CSGALNACT2: variants seen among roughly 807,000 people sequenced by gnomAD.
CSGALNACT2 encodes chondroitin sulfate N-acetylgalactosaminyltransferase 2, also known as beta 4 GalNAcT-2.
A neutral mutation model predicts 55.3 loss-of-function variants in CSGALNACT2; 35 were observed. The observed-to-expected ratio is 0.63, with a 90% confidence interval of 0.48 to 0.84. The LOEUF is 0.84. Ranked by LOEUF, CSGALNACT2 falls within the 40% of genes least tolerant of loss-of-function variation. The pLI, the probability that CSGALNACT2 is intolerant of heterozygous loss-of-function variation, is 0.00. For synonymous variants in CSGALNACT2, 196 were observed against 224.9 expected (o/e 0.87, Z 1.15); for missense variants, 544 against 657.5 (o/e 0.83, Z 1.89).
intron 1 of CSGALNACT2, among the ~76,000 whole-genome samples, chr10:43,152,856 A>C (rs940755912): frequency 1.3e-5 from 2 of 152,212 alleles, no homozygotes; most frequent in Non-Finnish European, 2.9e-5. Context: ...TAGTTAAAAC[A>C]GATACCGCTA....
At chr10:43,159,277 T>C (rs1481963720) in intron 3 of CSGALNACT2, among the ~76,000 whole-genome samples, 1 of 152,082 alleles carries the variant, frequency 6.6e-6, no homozygotes, top group Non-Finnish European at 1.5e-5. Context: ...TTTAAGGATA[T>C]AGGTATCATG....
At chr10:43,156,297 G>A (rs1479571560) in intron 2 of CSGALNACT2, among the ~76,000 whole-genome samples, 4 of 152,054 alleles carry the variant, frequency 2.6e-5, no homozygotes, top group Non-Finnish European at 2.9e-5. Flanking sequence ...AAGCACATTT[G>A]GCATTTGGAA....
At chr10:43,146,462 A>T (rs1838750386) in intron 1 of CSGALNACT2, among the ~76,000 whole-genome samples, 1 of 152,008 alleles carries the variant, frequency 6.6e-6, no homozygotes, top group South Asian at 2.1e-4. Flanking sequence ...GTGTGGGTCT[A>T]CCCCTCCCAG....
At position 43,155,407 on chromosome 10, in the gene CSGALNACT2, A is replaced by G. The variant is rs1838974984; in HGVS notation, c.258A>G (p.Leu86=). Residue 86 remains leucine, a synonymous_variant, in exon 2 of 8, where the codon TTA becomes TTG. Transcript: ENST00000374466. ...KRQIAQLKQE[L]QEMSEKMRSL... ...AAATTGCCCAACTAAAACAAGAATTACAAGAAATGAGTGAGAAGATGCGGT... is the reference window on the plus strand; with the variant it reads ...AAATTGCCCAACTAAAACAAGAATTGCAAGAAATGAGTGAGAAGATGCGGT... 3 of 1,614,098 alleles carry G rather than the reference A, an allele frequency of 1.9e-6. No individual in the cohort carries two copies. Among genetic ancestry groups the G allele is most frequent in the Non-Finnish European group, 8.5e-7 (1 of 1,180,040 alleles).
chr10:43,159,634 C>T (rs1839101647), intron 3 of CSGALNACT2, among the ~76,000 whole-genome samples: 1 of 152,136 alleles, frequency 6.6e-6, no homozygotes, highest in African/African-American at 2.4e-5. Context: ...TTTAGACATA[C>T]AAACATTAAA....
At chr10:43,175,435 T>A (rs1284158992) in intron 6 of CSGALNACT2, among the ~76,000 whole-genome samples, 1 of 152,134 alleles carries the variant, frequency 6.6e-6, no homozygotes, top group Non-Finnish European at 1.5e-5. Context: ...TAAATACCTA[T>A]TAGTGAGCCA....
intron 7 of CSGALNACT2, among the ~76,000 whole-genome samples, chr10:43,179,075 T>C (rs893414296): frequency 2.0e-5 from 3 of 152,032 alleles, no homozygotes; most frequent in Non-Finnish European, 4.4e-5. Flanking sequence ...TCTTTTGATA[T>C]ATATATAATT....
At chr10:43,154,211 G>C (rs1197760274) in intron 1 of CSGALNACT2, among the ~76,000 whole-genome samples, 4 of 152,178 alleles carry the variant, frequency 2.6e-5, no homozygotes, top group African/African-American at 7.2e-5. Flanking sequence ...TATAAACTCA[G>C]TTCCCAAATG....
At chr10:43,139,945 C>A (rs1221398301) in intron 1 of CSGALNACT2, among the ~76,000 whole-genome samples, 2 of 152,172 alleles carry the variant, frequency 1.3e-5, no homozygotes, top group Non-Finnish European at 2.9e-5. Flanking sequence ...CCTTTTATCC[C>A]AGCGCTTGGG....
chr10:43,140,102 G>A (rs1361854657), intron 1 of CSGALNACT2, among the ~76,000 whole-genome samples: 1 of 152,206 alleles, frequency 6.6e-6, no homozygotes, highest in African/African-American at 2.4e-5. Context: ...GCTGAGGCGG[G>A]AGGTGGAGGT....
chr10:43,182,248 A>G (rs1839603090), intron 7 of CSGALNACT2, among the ~76,000 whole-genome samples: 1 of 152,028 alleles, frequency 6.6e-6, no homozygotes, highest in Non-Finnish European at 1.5e-5. Flanking sequence ...TCTTCACTGA[A>G]TAGCACACAC....
At chr10:43,141,406 C>CA (rs1554821318) in intron 1 of CSGALNACT2, among the ~76,000 whole-genome samples, 5 of 151,106 alleles carry the variant, frequency 3.3e-5, no homozygotes, top group South Asian at 2.1e-4. Context: ...TTAGTAGAGA[C>CA]GGGTTTCACC....
chr10:43,179,242 C>G (rs1290006484), intron 7 of CSGALNACT2, among the ~76,000 whole-genome samples: 2 of 144,964 alleles, frequency 1.4e-5, no homozygotes, highest in African/African-American at 2.5e-5. Context: ...GTTTTTGTTG[C>G]TTGCCGGTTT....
chr10:43,160,160 A>G (rs368403807), intron 3 of CSGALNACT2, among the ~76,000 whole-genome samples: 43 of 152,386 alleles, frequency 2.8e-4, no homozygotes, highest in African/African-American at 1.0e-3. Context: ...CTCTTAATCC[A>G]AAAGGTCAGT....
intron 4 of CSGALNACT2, chr10:43,162,052 A>G (rs1839160825): frequency 4.2e-6 from 2 of 474,116 alleles, no homozygotes; most frequent in Non-Finnish European, 8.4e-6. Context: ...CCTCCCAGAA[A>G]TAAAGGGATT....
chr10:43,141,331 C>A (rs1327156310), intron 1 of CSGALNACT2, among the ~76,000 whole-genome samples: 1 of 152,038 alleles, frequency 6.6e-6, no homozygotes, highest in Admixed American at 6.5e-5. Flanking sequence ...CATTCTCCTG[C>A]CTCAGCCTCC....
At chr10:43,160,361 A>G in intron 3 of CSGALNACT2, 133 bp from the exon 4 acceptor site, 1 of 585,150 alleles carries the variant, frequency 1.7e-6, no homozygotes, top group South Asian at 2.1e-5. Flanking sequence ...ATAATTCATC[A>G]GTATTGCCAC....
intron 1 of CSGALNACT2, among the ~76,000 whole-genome samples, chr10:43,146,511 T>C (rs1054640624): frequency 1.3e-5 from 2 of 152,156 alleles, no homozygotes; most frequent in African/African-American, 4.8e-5. Flanking sequence ...GGCAACACCC[T>C]CACAGACACA....
intron 5 of CSGALNACT2, among the ~76,000 whole-genome samples, chr10:43,164,987 G>A (rs1456666970): frequency 6.6e-6 from 1 of 152,030 alleles, no homozygotes; most frequent in Non-Finnish European, 1.5e-5. Context: ...ACTTTGGGAG[G>A]CCGAGGCGGG....
Sources: allele counts gnomAD v4.1 joint callset (sites outside exome capture counted in the v4.1 genomes callset), GRCh38; gene constraint gnomAD v4.1.1; transcripts MANE v1.5; gene names NCBI Gene and HGNC (gene_info 2026-07-23, HGNC 2026-07-21).